PDGFC: variants seen among roughly 807,000 people sequenced by gnomAD.
PDGFC encodes platelet-derived growth factor C.
A neutral mutation model predicts 35.5 loss-of-function variants in PDGFC; 12 were observed. That is an observed-to-expected ratio of 0.34 (90% CI 0.22 to 0.55). The LOEUF is 0.55. Among genes scored for constraint, PDGFC ranks in the 20% least tolerant of loss-of-function variants. The pLI, the probability that PDGFC is intolerant of heterozygous loss-of-function variation, is 0.91. For synonymous variants in PDGFC, 159 were observed against 148.8 expected (o/e 1.07, Z -0.50); for missense variants, 322 against 412.4 (o/e 0.78, Z 1.90).
At chr4:156,889,410 G>C (rs1056135298) in intron 1 of PDGFC, among the ~76,000 whole-genome samples, 1 of 152,158 alleles carries the variant, frequency 6.6e-6, no homozygotes, top group Non-Finnish European at 1.5e-5. Flanking sequence ...AAAAAGAACA[G>C]AAATTATTGC....
rs77522337 is a variant in PDGFC at position 156,957,743 on chromosome 4, C to G, written c.118+13043G>C. Among the ~76,000 whole-genome samples, 693 of 152,058 alleles carry G rather than the reference C, an allele frequency of 4.6e-3. 9 individuals are homozygous for G. In the East Asian group the frequency reaches 0.055, roughly 12 times the overall value. Reference sequence around the variant, plus strand: ...GCTCACAATAAAGCATGAAGAATCACTCTTCTATTTACTCAAGCCCAAGTC... The same window carrying G: ...GCTCACAATAAAGCATGAAGAATCAGTCTTCTATTTACTCAAGCCCAAGTC... On this transcript the variant is annotated intron_variant, in intron 1 of 5. Transcript: ENST00000502773.
intron 2 of PDGFC, among the ~76,000 whole-genome samples, chr4:156,818,913 A>C (rs1025301662): frequency 6.6e-6 from 1 of 152,146 alleles, no homozygotes; most frequent in African/African-American, 2.4e-5. Flanking sequence ...TATCTCAGGG[A>C]ATAAGGAGGC....
chr4:156,823,257 T>C (rs1439894202), intron 2 of PDGFC, among the ~76,000 whole-genome samples: 1 of 151,976 alleles, frequency 6.6e-6, no homozygotes, highest in African/African-American at 2.4e-5. Context: ...AAAATAAAAA[T>C]AAAATAAAAT....
chr4:156,803,864 A>G (rs1214052518), intron 3 of PDGFC, among the ~76,000 whole-genome samples: 4 of 152,308 alleles, frequency 2.6e-5, no homozygotes, highest in East Asian at 1.9e-4. Context: ...CTGTGCTTCA[A>G]TGCTGGAACT....
At chr4:156,926,296 G>A (rs1731410760) in intron 1 of PDGFC, among the ~76,000 whole-genome samples, 1 of 152,008 alleles carries the variant, frequency 6.6e-6, no homozygotes, top group Non-Finnish European at 1.5e-5. Context: ...GTTAAAGACT[G>A]ACCATGATAG....
chr4:156,883,441 G>A (rs1484318359), intron 1 of PDGFC, among the ~76,000 whole-genome samples: 1 of 152,060 alleles, frequency 6.6e-6, no homozygotes, highest in Non-Finnish European at 1.5e-5. Flanking sequence ...CTGCTACATT[G>A]CATTCTCTTT....
At position 156,970,729 on chromosome 4, in the gene PDGFC, C is replaced by T. The variant is rs955148908; in HGVS notation, c.118+57G>A. 25 of 1,091,790 alleles carry T rather than the reference C, an allele frequency of 2.3e-5. No individual in the cohort carries two copies. The Admixed American group carries it at 3.9e-4, about 17-fold the overall frequency. 67.6% of individuals were successfully genotyped at this position (1,091,790 alleles called of 1,614,324 possible). On this transcript the variant is annotated intron_variant, in intron 1 of 5. Transcript: ENST00000502773. ...ATATATCACATACCAACGCACAATG[C>T]CAACGTTAACACACACAGCGAGAAA...
chr4:156,898,151 G>C (rs553555901), intron 1 of PDGFC, among the ~76,000 whole-genome samples: 1 of 152,090 alleles, frequency 6.6e-6, no homozygotes, highest in Non-Finnish European at 1.5e-5. Context: ...CTGAATAAAA[G>C]AAACCCAGAG....
intron 1 of PDGFC, among the ~76,000 whole-genome samples, chr4:156,873,095 C>A (rs977911388): frequency 6.6e-6 from 1 of 152,034 alleles, no homozygotes; most frequent in Non-Finnish European, 1.5e-5. Flanking sequence ...TGCACCACTG[C>A]CGGGACTACA....
intron 1 of PDGFC, among the ~76,000 whole-genome samples, chr4:156,871,104 G>T (rs571413729): frequency 6.6e-6 from 1 of 152,024 alleles, no homozygotes; most frequent in African/African-American, 2.4e-5. Context: ...ATAATCCTTC[G>T]TATTCCTTCC....
chr4:156,943,406 C>A (rs1226935161), intron 1 of PDGFC, among the ~76,000 whole-genome samples: 1 of 152,060 alleles, frequency 6.6e-6, no homozygotes, highest in Non-Finnish European at 1.5e-5. Flanking sequence ...ATCAGCATCA[C>A]ATCAAATTAT....
At chr4:156,776,663 T>C (rs1384523498) in intron 3 of PDGFC, among the ~76,000 whole-genome samples, 3 of 152,194 alleles carry the variant, frequency 2.0e-5, no homozygotes, top group Non-Finnish European at 4.4e-5. Context: ...ATTTCTAAGA[T>C]GTCAGCTCCA....
intron 2 of PDGFC, among the ~76,000 whole-genome samples, chr4:156,822,995 A>C (rs1486230681): frequency 6.6e-6 from 1 of 152,032 alleles, no homozygotes; most frequent in African/African-American, 2.4e-5. Context: ...CAGCCTCCCA[A>C]AGTGCTGAGG....
intron 1 of PDGFC, among the ~76,000 whole-genome samples, chr4:156,902,759 T>C (rs114405934): frequency 0.016 from 2,482 of 152,258 alleles, 75 homozygotes; most frequent in African/African-American, 0.057. Flanking sequence ...CATGTGGAAC[T>C]TAAATATTCA....
At chr4:156,947,004 A>G (rs925981072) in intron 1 of PDGFC, among the ~76,000 whole-genome samples, 43 of 152,154 alleles carry the variant, frequency 2.8e-4, no homozygotes, top group African/African-American at 1.0e-3. Context: ...AGAAATGGGA[A>G]TCTCTCTGCT....
intron 1 of PDGFC, among the ~76,000 whole-genome samples, chr4:156,920,566 A>C (rs1184389951): frequency 1.3e-5 from 2 of 152,044 alleles, no homozygotes; most frequent in African/African-American, 4.8e-5. Context: ...GTCCCTAATT[A>C]AAAGAAAAAA....
chr4:156,945,263 T>A (rs1024149610), intron 1 of PDGFC, among the ~76,000 whole-genome samples: 1 of 149,038 alleles, frequency 6.7e-6, no homozygotes, highest in Non-Finnish European at 1.5e-5. Flanking sequence ...TAAATAGTTG[T>A]TAAATGAATA....
At chr4:156,931,361 G>T (rs906067630) in intron 1 of PDGFC, among the ~76,000 whole-genome samples, 6 of 152,130 alleles carry the variant, frequency 3.9e-5, no homozygotes, top group African/African-American at 1.4e-4. Flanking sequence ...ATTTCTACTG[G>T]GAAGGAAACT....
chr4:156,827,863 C>A (rs1471096256), intron 2 of PDGFC, among the ~76,000 whole-genome samples: 1 of 152,084 alleles, frequency 6.6e-6, no homozygotes, highest in Non-Finnish European at 1.5e-5. Flanking sequence ...ACTATAAACA[C>A]CAGTATATGA....
Sources: gnomAD v4.1 joint callset for allele counts (sites outside exome capture counted in the v4.1 genomes callset) on GRCh38, gnomAD v4.1.1 for gene constraint, MANE v1.5 for transcripts, NCBI Gene and HGNC (gene_info 2026-07-23, HGNC 2026-07-21) for gene names.